Variants in CLASP1 observed in about 807,000 individuals in gnomAD.
CLASP1 encodes the protein cytoplasmic linker associated protein 1.
CLASP1 carries 38 observed loss-of-function variants against 192.3 expected under a neutral mutation model. That is an observed-to-expected ratio of 0.20 (90% CI 0.15 to 0.26). The LOEUF is 0.26. Among genes scored for constraint, CLASP1 ranks in the 10% least tolerant of loss-of-function variants. CLASP1 has a pLI of 1.00. For missense variants in CLASP1, 1,433 were observed against 1,932.5 expected (o/e 0.74, Z 4.85); for synonymous variants, 691 against 712.8 (o/e 0.97, Z 0.49).
chr2:121,635,684 C>T (rs2070711664), intron 1 of CLASP1, among the ~76,000 whole-genome samples: 2 of 152,216 alleles, frequency 1.3e-5, no homozygotes, highest in Non-Finnish European at 2.9e-5. Flanking sequence ...AGAGACTTCA[C>T]TAGTTAACTT....
chr2:121,437,420 T>A (rs1449689596), intron 19 of CLASP1, among the ~76,000 whole-genome samples: 1 of 152,214 alleles, frequency 6.6e-6, no homozygotes, highest in African/African-American at 2.4e-5. Flanking sequence ...TCACTTTTCT[T>A]GGAAATTTAT....
At chr2:121,428,796 A>T (rs1462141376) in intron 20 of CLASP1, among the ~76,000 whole-genome samples, 1 of 152,216 alleles carries the variant, frequency 6.6e-6, no homozygotes, top group Admixed American at 6.5e-5. Context: ...GATCTGAAAC[A>T]ACTATGACTA....
intron 18 of CLASP1, among the ~76,000 whole-genome samples, chr2:121,448,045 T>C (rs1180768937): frequency 6.6e-6 from 1 of 152,178 alleles, no homozygotes; most frequent in Non-Finnish European, 1.5e-5. Context: ...AGAGAAAAGG[T>C]CACAGAGCTT....
At chr2:121,619,164 A>T (rs2066924473) in intron 1 of CLASP1, among the ~76,000 whole-genome samples, 1 of 152,198 alleles carries the variant, frequency 6.6e-6, no homozygotes, top group African/African-American at 2.4e-5. Flanking sequence ...AAATGAATAA[A>T]AGGTTCAAGC....
At chr2:121,507,324 T>G (rs1211133974) in intron 7 of CLASP1, among the ~76,000 whole-genome samples, 1 of 152,120 alleles carries the variant, frequency 6.6e-6, no homozygotes, top group Non-Finnish European at 1.5e-5. Flanking sequence ...CAGGAGGAGT[T>G]CAACAGATTT....
At chr2:121,546,533 C>T (rs2057438246) in intron 2 of CLASP1, among the ~76,000 whole-genome samples, 1 of 151,966 alleles carries the variant, frequency 6.6e-6, no homozygotes, top group South Asian at 2.1e-4. Context: ...GGGGAACCTC[C>T]CCCATTCAGG....
intron 1 of CLASP1, among the ~76,000 whole-genome samples, chr2:121,607,486 T>C (rs993302627): frequency 2.0e-5 from 3 of 152,222 alleles, no homozygotes; most frequent in Non-Finnish European, 2.9e-5. Context: ...ATACATGATA[T>C]GAGAAAAGTA....
At chr2:121,503,597 CTCTT>C (rs1162227514) in intron 7 of CLASP1, among the ~76,000 whole-genome samples, 3 of 152,178 alleles carry the variant, frequency 2.0e-5, no homozygotes, top group South Asian at 2.1e-4. Flanking sequence ...TGTGTTTCTC[CTCTT>C]TCTTTCTTAG....
At position 121,549,352 on chromosome 2, in the gene CLASP1, T is replaced by A. The variant is rs143506803; in HGVS notation, c.196-19027A>T. 6.4e-3 allele frequency among the ~76,000 whole-genome samples: 968 copies of A among 152,186 alleles called. 12 individuals are homozygous for A. Among genetic ancestry groups the A allele is most frequent in the African/African-American group, 0.022 (924 of 41,512 alleles). On this transcript the variant is annotated intron_variant, in intron 2 of 39. Transcript: ENST00000263710. ...AAAAAAGACAAAGATGGGCATTACA[T>A]AATGGTAAAGGGTTCAATTCAACAA...
intron 19 of CLASP1, chr2:121,445,013 A>T: frequency 8.3e-7 from 1 of 1,203,426 alleles, no homozygotes; most frequent in Non-Finnish European, 1.1e-6. Context: ...ACAGTTAGTA[A>T]CATTCAAAAA....
chr2:121,429,815 A>C (rs2081077297), intron 20 of CLASP1, among the ~76,000 whole-genome samples: 1 of 152,232 alleles, frequency 6.6e-6, no homozygotes. Context: ...GCTTCAAAGG[A>C]GGGCGAAAAA....
exon 40 of CLASP1, chr2:121,340,654 A>G: frequency 1.8e-6 from 1 of 550,104 alleles, no homozygotes; most frequent in Non-Finnish European, 3.2e-6. Context: ...TTTGTTTTGT[A>G]TGAAGACTGC....
intron 34 of CLASP1, among the ~76,000 whole-genome samples, chr2:121,373,548 G>T (rs1407237371): frequency 6.6e-6 from 1 of 152,208 alleles, no homozygotes; most frequent in Non-Finnish European, 1.5e-5. Context: ...GAAAATGAAA[G>T]AAAGTTTGAA....
intron 25 of CLASP1, 54 bp downstream of exon 26, chr2:121,407,417 G>A: frequency 6.2e-7 from 1 of 1,600,556 alleles, no homozygotes; most frequent in Admixed American, 1.7e-5. Context: ...TTAAACCCCT[G>A]AAGAGTCCAA....
chr2:121,447,864 CT>C (rs1441074369), intron 18 of CLASP1, among the ~76,000 whole-genome samples: 5 of 152,178 alleles, frequency 3.3e-5, no homozygotes, highest in Non-Finnish European at 7.4e-5. Flanking sequence ...GTGCCACGCC[CT>C]CTTACCTAGA....
At chr2:121,572,482 C>T (rs969921508) in intron 2 of CLASP1, among the ~76,000 whole-genome samples, 3 of 152,080 alleles carry the variant, frequency 2.0e-5, no homozygotes, top group African/African-American at 7.2e-5. Flanking sequence ...TTCAAATAGG[C>T]ACACATTCTT....
At chr2:121,438,981 G>A (rs1221260678) in intron 19 of CLASP1, among the ~76,000 whole-genome samples, 1 of 150,136 alleles carries the variant, frequency 6.7e-6, no homozygotes, top group African/African-American at 2.4e-5. Context: ...TGGTTGGTAA[G>A]CTATTGATTA....
At chr2:121,357,166 A>AT (rs2065577107) in intron 37 of CLASP1, among the ~76,000 whole-genome samples, 1 of 152,184 alleles carries the variant, frequency 6.6e-6, no homozygotes, top group Non-Finnish European at 1.5e-5. Context: ...TACAAGTCGT[A>AT]TTTTTGACTG....
intron 23 of CLASP1, among the ~76,000 whole-genome samples, chr2:121,414,879 G>A (rs2078300422): frequency 6.6e-6 from 1 of 152,118 alleles, no homozygotes; most frequent in Non-Finnish European, 1.5e-5. Context: ...GATTCCCCAG[G>A]CTCAAGCAGA....
Sources: gnomAD v4.1 joint callset for allele counts (sites outside exome capture counted in the v4.1 genomes callset) on GRCh38, gnomAD v4.1.1 for gene constraint, MANE v1.5 for transcripts, NCBI Gene and HGNC (gene_info 2026-07-23, HGNC 2026-07-21) for gene names.